Variants in PTP4A1 observed in about 807,000 individuals in gnomAD.
The protein encoded by PTP4A1 is protein tyrosine phosphatase 4A1, also known as protein tyrosine phosphatase type IVA 1.
In PTP4A1, 9 loss-of-function variants were observed where a neutral mutation model predicts 20.5. The ratio of observed to expected loss-of-function variants is 0.44; its 90% CI spans 0.26 to 0.77. The LOEUF is 0.77. Among genes scored for constraint, PTP4A1 ranks in the 30% least tolerant of loss-of-function variants. The probability of loss-of-function intolerance (pLI) is 0.19; values close to 1 mark genes in which losing one functional copy is unlikely to be tolerated. For missense variants in PTP4A1, 137 were observed against 218.8 expected, an observed-to-expected ratio of 0.63 and a Z score of 2.36; for synonymous variants, 78 against 67.4, an observed-to-expected ratio of 1.16 and a Z score of -0.77.
At chr6:63,516,930 C>G (rs1032092761), upstream of PTP4A1, among the ~76,000 whole-genome samples, 3 of 152,068 alleles carry the variant, frequency 2.0e-5, no homozygotes, top group Non-Finnish European at 4.4e-5. Context: ...TCTCTGCCAC[C>G]GTATCATATC....
chr6:63,562,364 T>C (rs1262285757), intron 3 of PTP4A1, among the ~76,000 whole-genome samples: 1 of 152,018 alleles, frequency 6.6e-6, no homozygotes. Context: ...CACACCCAGC[T>C]AATTTTGTAT....
At chr6:63,567,171 T>C (rs1295599352) in intron 3 of PTP4A1, among the ~76,000 whole-genome samples, 1 of 152,270 alleles carries the variant, frequency 6.6e-6, no homozygotes, top group Non-Finnish European at 1.5e-5. Flanking sequence ...CTCCTGTTCA[T>C]GCTGATACTT....
rs570369476 is a variant in PTP4A1 at position 63,549,099 on chromosome 6, C to A, written c.-639-1201C>A. ...GGTGGTGATGGTGTTAACTCCTGCT[C>A]GAAGGACAGGTGGTCTCTTAGTGGG... On this transcript the variant is annotated intron_variant, in intron 2 of 3. Transcript: ENST00000639568. 1,995 of 706,004 alleles carry A rather than the reference C, an allele frequency of 2.8e-3. 10 individuals carry two copies. The highest frequency in any genetic ancestry group is 4.1e-3 in the Non-Finnish European group (1,584 of 386,352). The allele number at this position is 706,004 out of a possible 1,614,324, so 43.7% of individuals were successfully genotyped here.
chr6:63,532,175 T>G (rs1037559342), intron 2 of PTP4A1, among the ~76,000 whole-genome samples: 1 of 152,212 alleles, frequency 6.6e-6, no homozygotes, highest in Non-Finnish European at 1.5e-5. Context: ...AAATAACAAT[T>G]CAATCTTTCC....
intron 3 of PTP4A1, among the ~76,000 whole-genome samples, chr6:63,557,875 A>T (rs1335485891): frequency 1.3e-5 from 2 of 152,094 alleles, no homozygotes; most frequent in Admixed American, 6.6e-5. Flanking sequence ...TGCATTTTTT[A>T]AAATGATACT....
At chr6:63,519,012 G>A (rs962411537), upstream of PTP4A1, among the ~76,000 whole-genome samples, 20 of 152,240 alleles carry the variant, frequency 1.3e-4, no homozygotes, top group Admixed American at 8.5e-4. Context: ...TTCACACTAA[G>A]TGAGATAAAT....
At chr6:63,554,300 C>A (rs1177682021) in intron 3 of PTP4A1, among the ~76,000 whole-genome samples, 4 of 152,288 alleles carry the variant, frequency 2.6e-5, no homozygotes, top group African/African-American at 9.6e-5. Context: ...GAAAAGCATT[C>A]TATTCATGTT....
intron 1 of PTP4A1, among the ~76,000 whole-genome samples, chr6:63,526,803 GTATATATA>G (rs376671990): frequency 3.4e-4 from 34 of 101,440 alleles, no homozygotes; most frequent in South Asian, 2.5e-3. Flanking sequence ...TCTCAAAAAT[GTATATATA>G]TATATATATA....
chr6:63,563,940 T>C (rs1405186135), intron 3 of PTP4A1, among the ~76,000 whole-genome samples: 2 of 152,214 alleles, frequency 1.3e-5, no homozygotes, highest in East Asian at 3.8e-4. Flanking sequence ...GGTTGAGTAT[T>C]TACTATGTGC....
chr6:63,523,281 A>G (rs1775015754), intron 1 of PTP4A1, among the ~76,000 whole-genome samples: 1 of 152,034 alleles, frequency 6.6e-6, no homozygotes, highest in East Asian at 1.9e-4. Flanking sequence ...ATTATACACA[A>G]TATGATGTCT....
At chr6:63,523,166 G>A (rs1412429809) in intron 1 of PTP4A1, among the ~76,000 whole-genome samples, 1 of 151,756 alleles carries the variant, frequency 6.6e-6, no homozygotes, top group African/African-American at 2.4e-5. Context: ...GTACCCAGCC[G>A]AATCACTCTT....
intron 3 of PTP4A1, among the ~76,000 whole-genome samples, chr6:63,564,176 T>C (rs1777084875): frequency 6.6e-6 from 1 of 151,270 alleles, no homozygotes; most frequent in Non-Finnish European, 1.5e-5. Flanking sequence ...CTTGGGAGGC[T>C]GAGGCAGGAG....
At chr6:63,550,528 C>T (rs1219243615) in intron 3 of PTP4A1, 1 of 152,128 alleles carries the variant, frequency 6.6e-6, no homozygotes, top group Admixed American at 6.5e-5. Flanking sequence ...TGATAAAGGG[C>T]CTGTAAGAGC....
At chr6:63,518,149 G>C (rs367759551), upstream of PTP4A1, among the ~76,000 whole-genome samples, 18 of 130,600 alleles carry the variant, frequency 1.4e-4, no homozygotes, top group Middle Eastern at 0.014. Context: ...GTGAGACTCC[G>C]TCTCCAAAAA....
chr6:63,525,833 T>A (rs532251862), intron 1 of PTP4A1, among the ~76,000 whole-genome samples: 1 of 152,204 alleles, frequency 6.6e-6, no homozygotes. Flanking sequence ...CTTAAAATAG[T>A]TGGTGTGGTT....
intron 3 of PTP4A1, among the ~76,000 whole-genome samples, chr6:63,566,038 T>C (rs569327135): frequency 1.9e-4 from 29 of 152,352 alleles, no homozygotes; most frequent in African/African-American, 6.3e-4. Flanking sequence ...TGGTTTCCCA[T>C]TTACACTACA....
intron 4 of PTP4A1, 57 bp downstream of exon 4, chr6:63,579,085 G>GA: frequency 6.8e-7 from 1 of 1,480,360 alleles, no homozygotes; most frequent in East Asian, 2.5e-5. Context: ...TGAAAATACA[G>GA]AAACTTGAAA....
chr6:63,572,388 C>G, upstream of PTP4A1: 1 of 329,316 alleles, frequency 3.0e-6, no homozygotes, highest in Non-Finnish European at 5.5e-6. Flanking sequence ...CCCCGCCTGT[C>G]GGCTCCTGGC....
At chr6:63,566,402 G>A (rs933528521) in intron 3 of PTP4A1, among the ~76,000 whole-genome samples, 4 of 152,124 alleles carry the variant, frequency 2.6e-5, no homozygotes, top group Non-Finnish European at 5.9e-5. Context: ...GTCGGGGTCA[G>A]TTTCTTTCCA....
Sources: gnomAD v4.1 joint callset for allele counts (sites outside exome capture counted in the v4.1 genomes callset) on GRCh38, gnomAD v4.1.1 for gene constraint, MANE v1.5 for transcripts, NCBI Gene and HGNC (gene_info 2026-07-23, HGNC 2026-07-21) for gene names.